The following GRK5 variants were observed in gnomAD, a reference collection of about 807,000 sequenced individuals.
The protein encoded by GRK5 is g protein-coupled receptor kinase GRK5.
A neutral mutation model predicts 78.4 loss-of-function variants in GRK5; 40 were observed. The observed-to-expected ratio is 0.51, with a 90% CI of 0.40 to 0.66. The LOEUF (loss-of-function observed/expected upper bound fraction) is 0.66, where lower values mean the gene tolerates loss of function less well. Ranked by LOEUF, GRK5 falls within the 30% of genes least tolerant of loss-of-function variation. The pLI, the probability that GRK5 is intolerant of heterozygous loss-of-function variation, is 0.00. For synonymous variants in GRK5, 289 were observed against 296.8 expected (o/e 0.97, Z 0.27); for missense variants, 598 against 759.9 (o/e 0.79, Z 2.50).
At chr10:119,244,083 A>T (rs1477500355) in intron 1 of GRK5, among the ~76,000 whole-genome samples, 1 of 152,234 alleles carries the variant, frequency 6.6e-6, no homozygotes, top group African/African-American at 2.4e-5. Flanking sequence ...CTTATGAGCC[A>T]TATGGCTTCT....
chr10:119,408,684 G>A (rs963817196), intron 4 of GRK5, among the ~76,000 whole-genome samples: 1 of 152,176 alleles, frequency 6.6e-6, no homozygotes, highest in African/African-American at 2.4e-5. Context: ...GCATCTACCA[G>A]GGGGCACGTG....
At chr10:119,403,223 G>C (rs1038345251) in intron 4 of GRK5, among the ~76,000 whole-genome samples, 1 of 152,036 alleles carries the variant, frequency 6.6e-6, no homozygotes, top group African/African-American at 2.4e-5. Flanking sequence ...CTGGAGTGCA[G>C]TGGTGTGATC....
intron 12 of GRK5, among the ~76,000 whole-genome samples, chr10:119,446,521 C>T (rs565066400): frequency 2.1e-4 from 31 of 148,410 alleles, no homozygotes; most frequent in African/African-American, 7.2e-4. Context: ...CCAGCTGCTG[C>T]AGCCCCTGCA....
rs769999727 is a variant in GRK5 at position 119,207,883 on chromosome 10, C to T, written c.-35C>T. ...GCAGCACCCCAGGCGCTGACAGCCCCGCCGGCCGGCTCCGTTGCTGACCGC... is the reference window on the plus strand; with the variant it reads ...GCAGCACCCCAGGCGCTGACAGCCCTGCCGGCCGGCTCCGTTGCTGACCGC... On this transcript the variant is annotated 5_prime_UTR_variant, in exon 1 of 16. Transcript: ENST00000392870. 8.9e-6 allele frequency: 14 copies of T among 1,577,772 alleles called. No individual in the cohort carries two copies. The highest frequency in any genetic ancestry group is 4.3e-6 in the Non-Finnish European group (5 of 1,164,418).
intron 3 of GRK5, among the ~76,000 whole-genome samples, chr10:119,395,198 C>T (rs193220014): frequency 1.9e-3 from 296 of 152,340 alleles, no homozygotes; most frequent in Non-Finnish European, 3.5e-3. Context: ...CCCTATCTCC[C>T]TGTGATCTAA....
intron 1 of GRK5, among the ~76,000 whole-genome samples, chr10:119,284,237 C>G (rs12269098): frequency 0.011 from 1,683 of 152,246 alleles, 19 homozygotes; most frequent in African/African-American, 0.039. Context: ...AAAAGAGGAA[C>G]AACTGATATT....
intron 1 of GRK5, among the ~76,000 whole-genome samples, chr10:119,276,355 G>GT (rs1473249225): frequency 1.3e-5 from 2 of 151,988 alleles, no homozygotes; most frequent in African/African-American, 4.8e-5. Context: ...GTGGTGTTTG[G>GT]TTTTTTGTCC....
In GRK5 at chr10:119,267,199, C is replaced by T. The variant is rs947758310; in HGVS notation, c.52+59230C>T. ...CGGAGGTTGCAGCGAGCCGAGATCACACCATTGCACTCCAGCCTGGGCAAC... is the reference window on the plus strand; with the variant it reads ...CGGAGGTTGCAGCGAGCCGAGATCATACCATTGCACTCCAGCCTGGGCAAC... On this transcript the variant is annotated intron_variant, in intron 1 of 15. Coordinates refer to ENST00000392870, the MANE Select transcript of GRK5 (RefSeq NM_005308.3). The surrounding 1 kb of genome is among the most constrained non-coding windows in gnomAD (Gnocchi z 4.1). Among the ~76,000 whole-genome samples, 5 of 152,000 alleles carry T rather than the reference C, an allele frequency of 3.3e-5. No homozygotes were observed. The highest frequency in any genetic ancestry group is 6.6e-5 in the Admixed American group (1 of 15,258).
At chr10:119,294,879 T>C (rs1850051501) in intron 1 of GRK5, among the ~76,000 whole-genome samples, 1 of 152,134 alleles carries the variant, frequency 6.6e-6, no homozygotes, top group Non-Finnish European at 1.5e-5. Flanking sequence ...AGCCTCTTTA[T>C]AGAAAAAGTC....
Position 119,207,965 on chromosome 10 carries a change from G to T in GRK5, c.48G>T (p.Arg16Ser), listed in dbSNP as rs1168556943. 6.2e-7 allele frequency: 1 copy of T among 1,604,684 alleles called. No homozygotes were observed. ...IVANTVLLKA[R>S]EGGGGKRKGK... is the part of the protein sequence containing the mutation. ...CCAACACGGTCTTGCTGAAAGCCAG[G>T]GAAGGTAAGAGGCAGGGCCGGTACG... The change falls in exon 1 of 16, where the codon AGG becomes AGT. Residue 16 changes from arginine to serine, a missense_variant. Transcript: ENST00000392870.
chr10:119,344,020 G>A (rs923265535), intron 2 of GRK5, among the ~76,000 whole-genome samples: 6 of 152,066 alleles, frequency 3.9e-5, no homozygotes, highest in African/African-American at 7.2e-5. Context: ...AGGCAGGAGC[G>A]GCTGGAGCTT....
At chr10:119,308,166 G>A (rs895818725) in intron 1 of GRK5, among the ~76,000 whole-genome samples, 1 of 152,102 alleles carries the variant, frequency 6.6e-6, no homozygotes, top group Admixed American at 6.5e-5. Context: ...GTCCTTGCAG[G>A]AACATAAGTG....
intron 2 of GRK5, among the ~76,000 whole-genome samples, chr10:119,359,832 G>GA (rs1457582511): frequency 1.3e-5 from 2 of 152,166 alleles, no homozygotes; most frequent in Non-Finnish European, 2.9e-5. Flanking sequence ...TCCCGGGGGG[G>GA]AGGTGTGGGT....
Position 119,452,909 on chromosome 10 carries a change from G to A in GRK5, c.1542+101G>A, listed in dbSNP as rs77390759. 0.014 allele frequency: 18,680 copies of A among 1,368,996 alleles called. 214 individuals are homozygous for A. Among genetic ancestry groups the A allele is most frequent in the Non-Finnish European group, 0.017 (16,517 of 985,030 alleles). The allele number at this position is 1,368,996 out of a possible 1,614,324, so 84.8% of individuals were successfully genotyped here. ...TGAGTTTGGCGGCAGGAGGCTGAGCGCATGGTTTCTGTTTTCTCCATGAAG... is the reference window on the plus strand; with the variant it reads ...TGAGTTTGGCGGCAGGAGGCTGAGCACATGGTTTCTGTTTTCTCCATGAAG... On this transcript the variant is annotated intron_variant, in intron 14 of 15. Transcript: ENST00000392870. The surrounding 1 kb of genome is among the most constrained non-coding windows in gnomAD (Gnocchi z 4.4).
In GRK5 at chr10:119,211,162, G is replaced by T. The variant is rs374291901; in HGVS notation, c.52+3193G>T. On this transcript the variant is annotated intron_variant, in intron 1 of 15. Coordinates refer to ENST00000392870, the MANE Select transcript of GRK5 (RefSeq NM_005308.3). ...TTTTGGGGCCTGTTTATTTGTCCTG[G>T]GTCTCATGAGAAAACATCAACTCGA... Among the ~76,000 whole-genome samples the T allele has an allele frequency of 7.2e-5, 11 of 152,148 alleles. No homozygotes were observed. The South Asian group carries it at 1.0e-3, about 14-fold the overall frequency.
intron 13 of GRK5, among the ~76,000 whole-genome samples, chr10:119,449,543 A>G (rs7923747): frequency 0.19 from 28,599 of 152,112 alleles, 3,437 homozygotes; most frequent in African/African-American, 0.33. Context: ...GCTCATGCCT[A>G]TAATCCCAGC....
At chr10:119,312,181 G>A (rs1263930039) in intron 1 of GRK5, among the ~76,000 whole-genome samples, 1 of 152,222 alleles carries the variant, frequency 6.6e-6, no homozygotes, top group Non-Finnish European at 1.5e-5. Context: ...CTCCCAAAGT[G>A]CTGGGATTAC....
intron 2 of GRK5, among the ~76,000 whole-genome samples, chr10:119,337,180 T>C (rs1167239895): frequency 6.6e-6 from 1 of 152,154 alleles, no homozygotes; most frequent in African/African-American, 2.4e-5. Context: ...TCAGATTTCA[T>C]TCTAGGGCTA....
chr10:119,353,560 C>G (rs899908908), intron 2 of GRK5, among the ~76,000 whole-genome samples: 6 of 152,158 alleles, frequency 3.9e-5, no homozygotes, highest in Non-Finnish European at 7.3e-5. Context: ...AGCTCTAAAT[C>G]CAGGCTTTCC....
Sources: gnomAD v4.1 joint callset for allele counts (sites outside exome capture counted in the v4.1 genomes callset) on GRCh38, gnomAD v4.1.1 for gene constraint, Gnocchi (gnomAD v3.1) non-coding constraint, MANE v1.5 for transcripts, NCBI Gene and HGNC (gene_info 2026-07-23, HGNC 2026-07-21) for gene names.